Variants in PCDHA2 observed in about 807,000 individuals in gnomAD.
PCDHA2 encodes the protein protocadherin alpha-2.
A neutral mutation model predicts 66.0 loss-of-function variants in PCDHA2; 58 were observed. The ratio of observed to expected loss-of-function variants is 0.88; its 90% CI spans 0.71 to 1.09. PCDHA2 has a LOEUF of 1.09. PCDHA2 is among the 50% of genes least tolerant of loss of function. The probability of loss-of-function intolerance (pLI) is 0.00; values close to 1 mark genes in which losing one functional copy is unlikely to be tolerated. For synonymous variants in PCDHA2, 634 were observed against 554.0 expected (o/e 1.14, Z -2.03); for missense variants, 1,267 against 1,242.3 (o/e 1.02, Z -0.30).
chr5:140,869,204 C>G (rs199956165), intron 1 of PCDHA2: 29 of 1,613,960 alleles, frequency 1.8e-5, no homozygotes, highest in Non-Finnish European at 2.4e-5. Flanking sequence ...CTCCACTACT[C>G]CGTCTCGGAG....
intron 1 of PCDHA2, chr5:140,851,823 G>C (rs1554145549): frequency 1.0e-6 from 1 of 962,982 alleles, no homozygotes; most frequent in Non-Finnish European, 1.3e-6. Flanking sequence ...ACAGAAATCT[G>C]TTTTTTTAAA....
chr5:140,803,387 C>A (rs1763187369), intron 1 of PCDHA2: 4 of 1,614,200 alleles, frequency 2.5e-6, no homozygotes, highest in Non-Finnish European at 3.4e-6. Context: ...CAACCGAAGG[C>A]GACTGTGGGC....
intron 1 of PCDHA2, among the ~76,000 whole-genome samples, chr5:140,919,250 T>G (rs1471325437): frequency 6.6e-6 from 1 of 152,236 alleles, no homozygotes; most frequent in African/African-American, 2.4e-5. Flanking sequence ...TTGTCTGTTT[T>G]GTCTGATATT....
At chr5:140,875,577 C>G in intron 1 of PCDHA2, 1 of 1,614,082 alleles carries the variant, frequency 6.2e-7, no homozygotes, top group Non-Finnish European at 8.5e-7. Context: ...ACTACTCCGT[C>G]TACGAGGAGG....
At chr5:140,909,872 G>A (rs1245615872) in intron 1 of PCDHA2, among the ~76,000 whole-genome samples, 2 of 152,182 alleles carry the variant, frequency 1.3e-5, no homozygotes, top group African/African-American at 4.8e-5. Flanking sequence ...GTCAACGTCA[G>A]CTTAGAGACA....
intron 1 of PCDHA2, chr5:140,817,607 C>T (rs1766165670): frequency 6.6e-6 from 1 of 152,170 alleles, no homozygotes. Context: ...AACGCTAAGA[C>T]CTTGAATCAT....
intron 1 of PCDHA2, chr5:140,870,322 G>A (rs1554164069): frequency 6.2e-7 from 1 of 1,614,086 alleles, no homozygotes; most frequent in African/African-American, 1.3e-5. Flanking sequence ...CTACTCGTTG[G>A]TGCTGGACAG....
intron 1 of PCDHA2, among the ~76,000 whole-genome samples, chr5:140,873,279 A>G (rs1292548146): frequency 6.6e-6 from 1 of 152,200 alleles, no homozygotes; most frequent in African/African-American, 2.4e-5. Flanking sequence ...CCATCATACC[A>G]CTTATGAAAC....
At chr5:140,883,987 G>C (rs782597930) in intron 1 of PCDHA2, 4 of 1,612,956 alleles carry the variant, frequency 2.5e-6, no homozygotes, top group Admixed American at 1.7e-5. Context: ...CTGGCAGCGC[G>C]GGAGGCACAG....
intron 1 of PCDHA2, among the ~76,000 whole-genome samples, chr5:140,976,317 G>A (rs1284415282): frequency 6.6e-6 from 1 of 152,212 alleles, no homozygotes; most frequent in Admixed American, 6.5e-5. Context: ...TTGGGAGGCC[G>A]AGGAGGGTGG....
At chr5:140,883,141 T>C (rs975281074) in intron 1 of PCDHA2, 5 of 1,614,092 alleles carry the variant, frequency 3.1e-6, no homozygotes, top group Non-Finnish European at 4.2e-6. Flanking sequence ...CAGTGGTATA[T>C]GCATTTACCA....
At chr5:140,928,134 G>T in intron 1 of PCDHA2, 1 of 1,614,180 alleles carries the variant, frequency 6.2e-7, no homozygotes, top group Non-Finnish European at 8.5e-7. Flanking sequence ...ACCAAGTCCT[G>T]ATCACGGCCT....
intron 3 of PCDHA2, among the ~76,000 whole-genome samples, chr5:140,983,986 G>A (rs1475891501): frequency 2.0e-5 from 3 of 152,176 alleles, no homozygotes; most frequent in African/African-American, 7.2e-5. Context: ...ACGAGTTGAA[G>A]CAATTCATTA....
intron 1 of PCDHA2, among the ~76,000 whole-genome samples, chr5:140,918,322 A>G (rs538027862): frequency 1.1e-4 from 16 of 152,220 alleles, no homozygotes; most frequent in African/African-American, 2.6e-4. Context: ...GTATAAAATT[A>G]TATTGTCTGC....
chr5:140,832,681 A>C (rs1347638323), intron 1 of PCDHA2, among the ~76,000 whole-genome samples: 2 of 152,234 alleles, frequency 1.3e-5, no homozygotes, highest in Non-Finnish European at 1.5e-5. Flanking sequence ...GAATCATCGA[A>C]TTAACAAGAC....
At position 140,936,025 on chromosome 5, in the gene PCDHA2, G is replaced by A. The variant is rs542573400; in HGVS notation, c.2389-42924G>A. On this transcript the variant is annotated intron_variant, in intron 1 of 3. Coordinates refer to ENST00000526136, the MANE Select transcript of PCDHA2 (RefSeq NM_018905.3). ...CTCCCACCTCAGCCTCCCGAGTAGC[G>A]GGGATTACAGGCACCCACCACCACA... 1.5e-3 allele frequency among the ~76,000 whole-genome samples: 222 copies of A among 151,390 alleles called. 1 individual carries two copies. The highest frequency in any genetic ancestry group is 6.8e-3 in the Middle Eastern group (2 of 294).
chr5:140,959,729 C>T (rs910806194), intron 1 of PCDHA2, among the ~76,000 whole-genome samples: 3 of 152,126 alleles, frequency 2.0e-5, no homozygotes, highest in South Asian at 4.1e-4. Context: ...ATAACATTAT[C>T]TCATCAAAAT....
intron 1 of PCDHA2, chr5:140,811,575 A>T (rs1418966783): frequency 3.3e-5 from 5 of 152,212 alleles, no homozygotes; most frequent in Admixed American, 1.3e-4. Context: ...GAATCGCCAC[A>T]CTGTCTTCCA....
At chr5:140,831,169 T>C (rs1771407400) in intron 1 of PCDHA2, 1 of 152,190 alleles carries the variant, frequency 6.6e-6, no homozygotes, top group Admixed American at 6.6e-5. Context: ...AATGGAAAAA[T>C]AGTGATTCAA....
Sources: gnomAD v4.1 joint callset for allele counts (sites outside exome capture counted in the v4.1 genomes callset) on GRCh38, gnomAD v4.1.1 for gene constraint, MANE v1.5 for transcripts, NCBI Gene and HGNC (gene_info 2026-07-23, HGNC 2026-07-21) for gene names.